GRIN2A: variants seen among roughly 807,000 people sequenced by gnomAD.
GRIN2A encodes the protein glutamate ionotropic receptor NMDA type subunit 2A, also known as glutamate receptor ionotropic, NMDA 2A.
Under a neutral mutation model 113.4 loss-of-function variants are expected in GRIN2A, and 22 were observed. That is an observed-to-expected ratio of 0.19 (90% CI 0.14 to 0.28). GRIN2A has a LOEUF of 0.28. Among genes scored for constraint, GRIN2A ranks in the 10% least tolerant of loss-of-function variants. The probability of loss-of-function intolerance (pLI) is 1.00; values close to 1 mark genes in which losing one functional copy is unlikely to be tolerated. For synonymous variants in GRIN2A, 827 were observed against 738.4 expected, an observed-to-expected ratio of 1.12 and a Z score of -1.94; for missense variants, 1,502 against 1,887.0, an observed-to-expected ratio of 0.80 and a Z score of 3.78.
chr16:9,772,403 C>T (rs1008913628), intron 11 of GRIN2A, among the ~76,000 whole-genome samples: 3 of 152,174 alleles, frequency 2.0e-5, no homozygotes, highest in African/African-American at 7.2e-5. Context: ...TGGGGTCTCA[C>T]TACAGTCGCC....
chr16:9,924,627 T>C (rs1410610915), intron 3 of GRIN2A, among the ~76,000 whole-genome samples: 1 of 152,230 alleles, frequency 6.6e-6, no homozygotes, highest in East Asian at 1.9e-4. Context: ...CCATTATTTT[T>C]CCAAAATTCT....
intron 11 of GRIN2A, among the ~76,000 whole-genome samples, chr16:9,776,278 A>ATTTTTTT (rs34371083): frequency 7.7e-6 from 1 of 129,664 alleles, no homozygotes; most frequent in African/African-American, 2.9e-5. Flanking sequence ...AACATCCTGG[A>ATTTTTTT]TTTTTTTTTT....
intron 4 of GRIN2A, among the ~76,000 whole-genome samples, chr16:9,887,845 G>C (rs939628642): frequency 2.6e-5 from 4 of 152,106 alleles, no homozygotes; most frequent in Non-Finnish European, 4.4e-5. Context: ...GATCACTTGA[G>C]GTCAAGAGTC....
intron 2 of GRIN2A, among the ~76,000 whole-genome samples, chr16:9,955,454 C>T (rs141805604): frequency 1.5e-3 from 227 of 152,290 alleles, no homozygotes; most frequent in African/African-American, 5.1e-3. Context: ...TCCGCTCTTC[C>T]ATGCTCTTTC....
intron 2 of GRIN2A, among the ~76,000 whole-genome samples, chr16:10,106,185 GAGT>G (rs2048497319): frequency 8.2e-6 from 1 of 121,676 alleles, no homozygotes; most frequent in Non-Finnish European, 1.8e-5. Flanking sequence ...ATAAGTGAAA[GAGT>G]TTTTTTTTTT....
intron 7 of GRIN2A, among the ~76,000 whole-genome samples, chr16:9,837,172 T>C (rs575824906): frequency 6.6e-6 from 1 of 152,354 alleles, no homozygotes; most frequent in East Asian, 1.9e-4. Context: ...ATTATGACTT[T>C]CAAAATCTGT....
intron 2 of GRIN2A, among the ~76,000 whole-genome samples, chr16:10,157,420 G>A (rs1567339073): frequency 6.6e-6 from 1 of 152,174 alleles, no homozygotes. Flanking sequence ...ATTTAAAGGA[G>A]ACAATAATAT....
intron 2 of GRIN2A, among the ~76,000 whole-genome samples, chr16:9,957,091 T>A (rs1596361244): frequency 1.3e-5 from 2 of 152,296 alleles, no homozygotes; most frequent in East Asian, 1.9e-4. Flanking sequence ...AAGGTGTTAA[T>A]TCCCTTATTA....
At chr16:9,875,999 C>G (rs188457072) in intron 4 of GRIN2A, among the ~76,000 whole-genome samples, 112 of 152,258 alleles carry the variant, frequency 7.4e-4, no homozygotes, top group African/African-American at 2.6e-3. Context: ...ACTAGCTTCT[C>G]TGTCATAATG....
intron 10 of GRIN2A, among the ~76,000 whole-genome samples, chr16:9,819,899 C>A (rs1379551350): frequency 9.4e-6 from 1 of 106,858 alleles, no homozygotes; most frequent in African/African-American, 3.7e-5. Context: ...CCAGCATGAG[C>A]AACAAGAGCG....
intron 11 of GRIN2A, among the ~76,000 whole-genome samples, chr16:9,781,115 G>A (rs954942443): frequency 9.2e-5 from 14 of 151,554 alleles, no homozygotes; most frequent in African/African-American, 1.5e-4. Context: ...TAGACAATGC[G>A]TAATACAGGA....
chr16:9,854,012 T>C (rs1429438231), intron 4 of GRIN2A, among the ~76,000 whole-genome samples: 5 of 152,188 alleles, frequency 3.3e-5, no homozygotes, highest in Admixed American at 3.3e-4. Context: ...TATGAGACTA[T>C]GATTTCCCAG....
chr16:9,951,579 T>A (rs553578268), intron 2 of GRIN2A, among the ~76,000 whole-genome samples: 2 of 152,314 alleles, frequency 1.3e-5, no homozygotes, highest in East Asian at 1.9e-4. Context: ...TGAACTAATA[T>A]GACCAGAGCT....
rs540470132 is a variant in GRIN2A at position 9,978,609 on chromosome 16, T to C, written c.415-40058A>G. ...CAAGATCTTCCCTCTGTAAGAACAT[T>C]ACATTTCTTCCACTCCATGACCTGG... On this transcript the variant is annotated intron_variant, in intron 2 of 12. Transcript: ENST00000330684. Among the ~76,000 whole-genome samples, 39 of 152,190 alleles carry C rather than the reference T, an allele frequency of 2.6e-4. 1 individual carries two copies. The highest frequency in any genetic ancestry group is 1.0e-3 in the Admixed American group (16 of 15,284).
At chr16:9,859,107 G>C (rs567139932) in intron 4 of GRIN2A, among the ~76,000 whole-genome samples, 1 of 152,150 alleles carries the variant, frequency 6.6e-6, no homozygotes, top group African/African-American at 2.4e-5. Context: ...TATAGTAAAA[G>C]CTCTTCTATA....
chr16:9,965,387 C>T (rs908521122), intron 2 of GRIN2A, among the ~76,000 whole-genome samples: 2 of 152,158 alleles, frequency 1.3e-5, no homozygotes, highest in Admixed American at 6.5e-5. Context: ...AAAATGCCCC[C>T]CAAAGCTGCC....
chr16:9,897,505 A>G (rs2043830412), intron 3 of GRIN2A, among the ~76,000 whole-genome samples: 2 of 152,146 alleles, frequency 1.3e-5, no homozygotes, highest in African/African-American at 2.4e-5. Flanking sequence ...ACGTGTAGCT[A>G]TTGAGCATTT....
intron 2 of GRIN2A, among the ~76,000 whole-genome samples, chr16:10,143,016 A>C (rs1358458840): frequency 6.6e-6 from 1 of 152,160 alleles, no homozygotes; most frequent in Non-Finnish European, 1.5e-5. Context: ...TGGTATACTT[A>C]GGATAGATTA....
At chr16:9,827,751 T>C (rs888064278) in intron 9 of GRIN2A, among the ~76,000 whole-genome samples, 4 of 152,124 alleles carry the variant, frequency 2.6e-5, no homozygotes, top group African/African-American at 7.2e-5. Context: ...TCCCAGGAGA[T>C]CCAGGTGGGG....
Sources: gnomAD v4.1 joint callset for allele counts (sites outside exome capture counted in the v4.1 genomes callset) on GRCh38, gnomAD v4.1.1 for gene constraint, MANE v1.5 for transcripts, NCBI Gene and HGNC (gene_info 2026-07-23, HGNC 2026-07-21) for gene names.